Variants in TCF4 observed in about 807,000 individuals in gnomAD.
The protein encoded by TCF4 is SL3-3 enhancer factor 2.
Under a neutral mutation model 82.1 loss-of-function variants are expected in TCF4, and 3 were observed. The observed-to-expected ratio is 0.04, with a 90% confidence interval of 0.02 to 0.09. TCF4 has a LOEUF of 0.09. Ranked by LOEUF, TCF4 falls within the 10% of genes least tolerant of loss-of-function variation. The probability of loss-of-function intolerance (pLI) is 1.00; values close to 1 mark genes in which losing one functional copy is unlikely to be tolerated. For synonymous variants in TCF4, 276 were observed against 309.6 expected (o/e 0.89, Z 1.14); for missense variants, 518 against 852.7 (o/e 0.61, Z 4.89).
chr18:55,505,803 CAAAAAAAA>C (rs35471663), intron 3 of TCF4, among the ~76,000 whole-genome samples: 1 of 83,116 alleles, frequency 1.2e-5, no homozygotes, highest in Non-Finnish European at 2.4e-5. Flanking sequence ...GACTCCGTCT[CAAAAAAAA>C]AAAAAAAAAA....
intron 8 of TCF4, chr18:55,321,548 T>C (rs2075496484): frequency 3.7e-6 from 5 of 1,363,184 alleles, no homozygotes; most frequent in Non-Finnish European, 4.0e-6. Flanking sequence ...AAATATTTCA[T>C]GGCACCCAGG....
chr18:55,632,862 G>C (rs1407906167), intron 1 of TCF4, among the ~76,000 whole-genome samples: 2 of 152,206 alleles, frequency 1.3e-5, no homozygotes, highest in African/African-American at 4.8e-5. Flanking sequence ...GATCCTGTCT[G>C]AGGGAAAGAG....
chr18:55,460,069 C>G (rs2095843959), intron 5 of TCF4, among the ~76,000 whole-genome samples: 1 of 152,112 alleles, frequency 6.6e-6, no homozygotes, highest in Non-Finnish European at 1.5e-5. Context: ...TCATGACATT[C>G]TTTAGAAGCA....
At chr18:55,349,410 G>C (rs2081877046) in intron 8 of TCF4, among the ~76,000 whole-genome samples, 1 of 151,974 alleles carries the variant, frequency 6.6e-6, no homozygotes, top group Non-Finnish European at 1.5e-5. Context: ...TAATATGCAA[G>C]CATTGATTGG....
chr18:55,552,081 A>G (rs1312108049), intron 3 of TCF4, among the ~76,000 whole-genome samples: 2 of 152,194 alleles, frequency 1.3e-5, no homozygotes, highest in Non-Finnish European at 2.9e-5. Flanking sequence ...AAGGTTCTCT[A>G]AGTGCAAAGC....
chr18:55,317,698 T>A (rs2074489815), intron 8 of TCF4, among the ~76,000 whole-genome samples: 1 of 152,238 alleles, frequency 6.6e-6, no homozygotes, highest in African/African-American at 2.4e-5. Context: ...CTGACTGATA[T>A]TGTCACTTAT....
intron 8 of TCF4, among the ~76,000 whole-genome samples, chr18:55,340,658 T>C (rs1332664744): frequency 1.3e-5 from 2 of 152,062 alleles, no homozygotes; most frequent in Non-Finnish European, 2.9e-5. Context: ...TAAAATTCTT[T>C]TGAACATAGC....
intron 5 of TCF4, among the ~76,000 whole-genome samples, chr18:55,409,219 T>G (rs1020778130): frequency 6.6e-6 from 1 of 152,200 alleles, no homozygotes; most frequent in Non-Finnish European, 1.5e-5. Context: ...TATAGAATAG[T>G]GATCCCACAA....
chr18:55,324,694 GC>G (rs2076262972), intron 8 of TCF4, among the ~76,000 whole-genome samples: 1 of 151,798 alleles, frequency 6.6e-6, no homozygotes. Flanking sequence ...CACCCCCCAT[GC>G]CCAGCCTTGT....
Position 55,225,160 on chromosome 18 carries a change from G to A in TCF4, c.*2875C>T, listed in dbSNP as rs938906641. On this transcript the variant is annotated 3_prime_UTR_variant, in exon 20 of 20. Transcript: ENST00000354452. Reference sequence around the variant, plus strand: ...GTTTCTCCACCAAGCAAAACCTAGCGAGCAGCTTTCAGTGGCCGTTAGAAT... The same window carrying A: ...GTTTCTCCACCAAGCAAAACCTAGCAAGCAGCTTTCAGTGGCCGTTAGAAT... The A allele has an allele frequency of 6.6e-6, 1 of 152,256 alleles. No individual in the cohort carries two copies. Among genetic ancestry groups the A allele is most frequent in the African/African-American group, 2.4e-5 (1 of 41,384 alleles). 9.4% of individuals were successfully genotyped at this position (152,256 alleles called of 1,614,324 possible).
At chr18:55,274,312 A>G (rs1157720175) in intron 10 of TCF4, among the ~76,000 whole-genome samples, 3 of 152,188 alleles carry the variant, frequency 2.0e-5, no homozygotes, top group African/African-American at 7.2e-5. Context: ...GAAATGTGAG[A>G]TAGTTTGTGA....
chr18:55,456,704 T>G (rs932200633), intron 5 of TCF4, among the ~76,000 whole-genome samples: 5 of 151,960 alleles, frequency 3.3e-5, no homozygotes, highest in South Asian at 2.1e-4. Flanking sequence ...GAAAAAAAAG[T>G]TTTTTTTAAT....
chr18:55,469,043 A>G (rs2145120882), intron 3 of TCF4, among the ~76,000 whole-genome samples: 1 of 152,252 alleles, frequency 6.6e-6, no homozygotes, highest in Middle Eastern at 3.4e-3. Flanking sequence ...CTAATTTCTT[A>G]TTTTACCCTA....
chr18:55,567,328 A>G (rs1159174560), intron 3 of TCF4, among the ~76,000 whole-genome samples: 3 of 152,228 alleles, frequency 2.0e-5, no homozygotes, highest in Non-Finnish European at 4.4e-5. Flanking sequence ...TATAATTTCA[A>G]TATGTATAAA....
At chr18:55,295,039 A>G (rs2066130244) in intron 8 of TCF4, among the ~76,000 whole-genome samples, 2 of 152,188 alleles carry the variant, frequency 1.3e-5, no homozygotes, top group African/African-American at 4.8e-5. Context: ...CACTGGATGG[A>G]GAATCAAAAA....
chr18:55,304,903 C>T (rs1266006434), intron 8 of TCF4, among the ~76,000 whole-genome samples: 1 of 152,126 alleles, frequency 6.6e-6, no homozygotes, highest in Non-Finnish European at 1.5e-5. Flanking sequence ...AGAGGATCAA[C>T]TTTGTTTCAA....
intron 3 of TCF4, among the ~76,000 whole-genome samples, chr18:55,552,332 T>C (rs1432370286): frequency 2.0e-5 from 3 of 152,196 alleles, no homozygotes; most frequent in African/African-American, 7.2e-5. Flanking sequence ...TAATACATAA[T>C]TTAAGTTTAA....
intron 8 of TCF4, among the ~76,000 whole-genome samples, chr18:55,294,678 T>C (rs1476703411): frequency 6.6e-6 from 1 of 152,248 alleles, no homozygotes; most frequent in East Asian, 1.9e-4. Flanking sequence ...TGTCCAGCAC[T>C]GGGTGTGCAG....
At chr18:55,481,983 T>C (rs1362427586) in intron 3 of TCF4, among the ~76,000 whole-genome samples, 1 of 152,110 alleles carries the variant, frequency 6.6e-6, no homozygotes, top group Non-Finnish European at 1.5e-5. Flanking sequence ...TCAGATGAGG[T>C]TTCTGATATT....
Sources: allele counts gnomAD v4.1 joint callset (sites outside exome capture counted in the v4.1 genomes callset), GRCh38; gene constraint gnomAD v4.1.1; transcripts MANE v1.5; gene names NCBI Gene and HGNC (gene_info 2026-07-23, HGNC 2026-07-21).